The following POLR2F variants were observed in gnomAD, a reference collection of about 807,000 sequenced individuals.
POLR2F encodes the protein DNA-directed RNA polymerases I, II, and III subunit RPABC2.
POLR2F carries 12 observed loss-of-function variants against 22.7 expected under a neutral mutation model. The ratio of observed to expected loss-of-function variants is 0.53; its 90% confidence interval spans 0.34 to 0.86. The LOEUF (loss-of-function observed/expected upper bound fraction) is 0.86. Among genes scored for constraint, POLR2F ranks in the 40% least tolerant of loss-of-function variants. POLR2F has a pLI of 0.02. For synonymous variants in POLR2F, 57 were observed against 66.0 expected, an observed-to-expected ratio of 0.86 and a Z score of 0.66; for missense variants, 126 against 171.5, an observed-to-expected ratio of 0.73 and a Z score of 1.48.
At chr22:37,991,598 T>G (rs555352696) in intron 1 of POLR2F, among the ~76,000 whole-genome samples, 2 of 152,236 alleles carry the variant, frequency 1.3e-5, no homozygotes, top group Non-Finnish European at 2.9e-5. Flanking sequence ...GAGTTTTTGA[T>G]GGAAACCAGT....
intron 1 of POLR2F, among the ~76,000 whole-genome samples, chr22:38,023,797 C>T (rs182030725): frequency 3.3e-5 from 5 of 151,542 alleles, no homozygotes; most frequent in African/African-American, 7.3e-5. Context: ...CTCAGCCTCC[C>T]GAGAAGCTGG....
At chr22:37,956,391 C>T (rs1476585153) in intron 1 of POLR2F, among the ~76,000 whole-genome samples, 3 of 151,780 alleles carry the variant, frequency 2.0e-5, no homozygotes, top group African/African-American at 4.9e-5. Context: ...CCACCATGCC[C>T]GGCCTCTGAA....
intron 3 of POLR2F, 60 bp downstream of exon 3, chr22:37,959,536 C>A: frequency 1.3e-6 from 2 of 1,563,186 alleles, no homozygotes; most frequent in South Asian, 1.1e-5. Flanking sequence ...GCTCTTGTAC[C>A]GCTGATCTTT....
chr22:37,989,720 CAG>C (rs1321537934), intron 1 of POLR2F, among the ~76,000 whole-genome samples: 3 of 152,338 alleles, frequency 2.0e-5, no homozygotes, highest in African/African-American at 7.2e-5. Context: ...CGAATGATGA[CAG>C]GGTGTGGACT....
intron 1 of POLR2F, chr22:37,987,244 G>A (rs752133041): frequency 8.8e-6 from 4 of 456,566 alleles, no homozygotes; most frequent in African/African-American, 2.0e-5. Context: ...GGCCTTTCCG[G>A]AGCAACAGGG....
At chr22:37,993,211 A>G (rs569119607) in intron 1 of POLR2F, among the ~76,000 whole-genome samples, 1 of 152,192 alleles carries the variant, frequency 6.6e-6, no homozygotes, top group Non-Finnish European at 1.5e-5. Context: ...TTGTCCTTTC[A>G]CCACTGGCAG....
At chr22:38,009,066 G>C (rs2084849249) in intron 1 of POLR2F, among the ~76,000 whole-genome samples, 1 of 152,160 alleles carries the variant, frequency 6.6e-6, no homozygotes, top group African/African-American at 2.4e-5. Flanking sequence ...GAACATTCCA[G>C]ACAGAAGGAA....
At chr22:38,015,398 G>T (rs759849999) in intron 1 of POLR2F, among the ~76,000 whole-genome samples, 1 of 152,104 alleles carries the variant, frequency 6.6e-6, no homozygotes, top group African/African-American at 2.4e-5. Flanking sequence ...GTCTTCCTTC[G>T]TCTAGTTTGA....
rs141125031 is a variant in POLR2F at position 37,968,280 on chromosome 22, G to A, written c.*565G>A. The A allele has an allele frequency of 1.0e-5, 10 of 985,702 alleles. No homozygotes were observed. In the African/African-American group the frequency reaches 1.4e-4, roughly 14 times the overall value. 61.1% of individuals were successfully genotyped at this position (985,702 alleles called of 1,614,324 possible). A position where few individuals can be genotyped will look rare whatever the true frequency, so the allele number is the denominator to read the frequency against. ...ACCCTCCCCAGGCAGAGCCCTGCTG[G>A]GCAAGTCAGCAGCTGGAGCAAGGAC... On this transcript the variant is annotated 3_prime_UTR_variant, in exon 5 of 5. Coordinates refer to ENST00000442738, the MANE Select transcript of POLR2F (RefSeq NM_021974.5).
In POLR2F at chr22:38,009,637, G is replaced by A. The variant is rs146341630; in HGVS notation, c.121-16232G>A. Among the ~76,000 whole-genome samples the A allele has an allele frequency of 2.9e-3, 439 of 152,122 alleles. 2 individuals are homozygous for A. The highest frequency in any genetic ancestry group is 0.01 in the African/African-American group (418 of 41,480). On this transcript the variant is annotated intron_variant, in intron 1 of 2. Coordinates refer to the POLR2F transcript ENST00000333418. ...AATCAAGTAAACAAGTACATCTACC[G>A]TCCCCAAACTTTCCTCTTGCCCCTT...
Position 37,969,149 on chromosome 22 carries a change from T to C in POLR2F, c.*1434T>C. The C allele has an allele frequency of 1.0e-6, 1 of 985,308 alleles. No homozygotes were observed. The highest frequency in any genetic ancestry group is 1.2e-6 in the Non-Finnish European group (1 of 829,876). The allele number at this position is 985,308 out of a possible 1,614,324, so 61.0% of individuals were successfully genotyped here. On this transcript the variant is annotated 3_prime_UTR_variant, in exon 5 of 5. Coordinates refer to ENST00000442738, the MANE Select transcript of POLR2F (RefSeq NM_021974.5). ...GGGTTTGGGCTGGGGAGGAGGGGAA[T>C]TGGGGGTTAACCCTTAGGGGATAGA...
rs1476679371 is a variant in POLR2F at position 37,997,064 on chromosome 22, C to A, written c.120+10752C>A. Among the ~76,000 whole-genome samples the A allele has an allele frequency of 6.6e-6, 1 of 152,110 alleles. No individual in the cohort carries two copies. Among genetic ancestry groups the A allele is most frequent in the Admixed American group, 6.5e-5 (1 of 15,276 alleles). ...TGCCAGCTGGGACACAGGTGGCAGG[C>A]CAGCTGGGACACAGGTGGCAGGCCG... On this transcript the variant is annotated intron_variant, in intron 1 of 2. Transcript: ENST00000333418. This position sits in a 1 kb window ranked among gnomAD's most constrained non-coding sequence, Gnocchi z 4.4.
chr22:37,956,053 T>G (rs1328939596), intron 1 of POLR2F, among the ~76,000 whole-genome samples: 8 of 151,770 alleles, frequency 5.3e-5, no homozygotes, highest in Admixed American at 3.3e-4. Flanking sequence ...ATCTCTGCCC[T>G]CTTTGATTTT....
upstream of POLR2F, chr22:37,983,925 G>T: frequency 1.7e-6 from 1 of 595,168 alleles, no homozygotes; most frequent in Non-Finnish European, 2.4e-6. The surrounding 1 kb of genome is among the most constrained non-coding windows in gnomAD (Gnocchi z 9.5). Context: ...AGGGCGGCCC[G>T]AGACAGGACG....
chr22:37,953,890 C>A (rs757626014), intron 1 of POLR2F, 83 bp downstream of exon 1: 11 of 1,478,566 alleles, frequency 7.4e-6, no homozygotes, highest in Non-Finnish European at 2.8e-6. Context: ...AGGAGCCTGG[C>A]GTCTAGGGGC....
intron 5 of POLR2F, among the ~76,000 whole-genome samples, chr22:38,033,492 CG>C (rs2085085425): frequency 6.6e-6 from 1 of 152,186 alleles, no homozygotes; most frequent in Non-Finnish European, 1.5e-5. Flanking sequence ...CCAGATGGGG[CG>C]ACAGACAGGC....
chr22:37,990,780 C>A (rs139889), intron 1 of POLR2F, among the ~76,000 whole-genome samples: 114,837 of 152,208 alleles, frequency 0.75, 44,381 homozygotes, highest in African/African-American at 0.93. Flanking sequence ...CCCATCTGTA[C>A]AATGTAAAAT....
intron 1 of POLR2F, among the ~76,000 whole-genome samples, chr22:37,992,514 C>T (rs1481979048): frequency 6.6e-6 from 1 of 152,122 alleles, no homozygotes; most frequent in Non-Finnish European, 1.5e-5. Flanking sequence ...CCTGCCTCAG[C>T]CTCCCGACTA....
chr22:37,956,323 G>A (rs1393198503), intron 1 of POLR2F, among the ~76,000 whole-genome samples: 16 of 151,704 alleles, frequency 1.1e-4, no homozygotes, highest in African/African-American at 2.9e-4. Context: ...AACTCCACCC[G>A]CCTTGGCCTC....
Sources: allele counts gnomAD v4.1 joint callset (sites outside exome capture counted in the v4.1 genomes callset), GRCh38; gene constraint gnomAD v4.1.1; non-coding constraint Gnocchi (gnomAD v3.1); transcripts MANE v1.5; gene names NCBI Gene and HGNC (gene_info 2026-07-23, HGNC 2026-07-21).